Variants in SEZ6L observed in about 807,000 individuals in gnomAD.
SEZ6L encodes seizure related 6 homolog like, also known as seizure 6-like protein.
SEZ6L carries 37 observed loss-of-function variants against 106.2 expected under a neutral mutation model. That is an observed-to-expected ratio of 0.35 (90% CI 0.27 to 0.46). The LOEUF (loss-of-function observed/expected upper bound fraction) is 0.46. Ranked by LOEUF, SEZ6L falls within the 20% of genes least tolerant of loss-of-function variation. The pLI, the probability that SEZ6L is intolerant of heterozygous loss-of-function variation, is 1.00. For missense variants in SEZ6L, 1,172 were observed against 1,332.8 expected, an observed-to-expected ratio of 0.88 and a Z score of 1.88; for synonymous variants, 541 against 570.4, an observed-to-expected ratio of 0.95 and a Z score of 0.73.
At chr22:26,357,108 C>T (rs1405336382) in intron 12 of SEZ6L, among the ~76,000 whole-genome samples, 20 of 152,104 alleles carry the variant, frequency 1.3e-4, no homozygotes, top group African/African-American at 3.1e-4. Flanking sequence ...CCCGCCACCA[C>T]GCCTGGCTAA....
At chr22:26,223,593 G>C (rs1569395732) in intron 1 of SEZ6L, among the ~76,000 whole-genome samples, 1 of 150,290 alleles carries the variant, frequency 6.7e-6, no homozygotes, top group African/African-American at 2.4e-5. Flanking sequence ...ATTTTTAGCT[G>C]TGTGTCCCTG....
At chr22:26,332,924 G>A (rs2082533131) in intron 9 of SEZ6L, among the ~76,000 whole-genome samples, 1 of 152,208 alleles carries the variant, frequency 6.6e-6, no homozygotes, top group Non-Finnish European at 1.5e-5. Context: ...CTTCCTGGTT[G>A]AGCCTCAGTT....
chr22:26,205,476 A>T (rs1210106608), intron 1 of SEZ6L, among the ~76,000 whole-genome samples: 4 of 152,200 alleles, frequency 2.6e-5, no homozygotes, highest in African/African-American at 9.7e-5. Context: ...CCTTGCTTCA[A>T]TTCAGTTTTG....
chr22:26,343,096 T>C (rs1009062659), intron 10 of SEZ6L, among the ~76,000 whole-genome samples: 1 of 152,294 alleles, frequency 6.6e-6, no homozygotes, highest in African/African-American at 2.4e-5. Context: ...GGTTCCCCGC[T>C]CTTTTCTGGG....
chr22:26,193,913 C>T (rs1440999197), intron 1 of SEZ6L, among the ~76,000 whole-genome samples: 1 of 152,134 alleles, frequency 6.6e-6, no homozygotes, highest in African/African-American at 2.4e-5. Flanking sequence ...GGAATCACTG[C>T]CTGCAAGAGA....
chr22:26,187,728 C>T (rs1939878692), intron 1 of SEZ6L, among the ~76,000 whole-genome samples: 1 of 152,176 alleles, frequency 6.6e-6, no homozygotes, highest in South Asian at 2.1e-4. Context: ...AAACCCCGAT[C>T]AGACTGTACA....
At chr22:26,364,140 T>C (rs994453328) in intron 12 of SEZ6L, among the ~76,000 whole-genome samples, 1 of 152,218 alleles carries the variant, frequency 6.6e-6, no homozygotes, top group African/African-American at 2.4e-5. Context: ...GTTAGTTTTA[T>C]GTTATGTAGA....
rs137198 is a variant in SEZ6L, at chr22:26,284,604, C to CAAAAAAAAA, written c.95-7782_95-7774dup. 4.7e-4 allele frequency among the ~76,000 whole-genome samples: 30 copies of CAAAAAAAAA among 64,032 alleles called. No individual in the cohort carries two copies. The East Asian group carries it at 6.7e-3, about 14-fold the overall frequency. The allele number at this position is 64,032 out of a possible 152,430, so 42.0% of individuals were successfully genotyped here. ...CAGCCTTGATGACAGATCAGGACTC[C>CAAAAAAAAA]AAAAAAAAAAAAAAAAAAAAAAAAA... On this transcript the variant is annotated intron_variant, in intron 1 of 16. Coordinates refer to ENST00000248933, the MANE Select transcript of SEZ6L (RefSeq NM_021115.5).
intron 6 of SEZ6L, among the ~76,000 whole-genome samples, chr22:26,307,235 C>G (rs1339923612): frequency 6.6e-6 from 1 of 152,126 alleles, no homozygotes; most frequent in African/African-American, 2.4e-5. Context: ...TCAGCTGCCA[C>G]CCTTTGAGCT....
At chr22:26,361,031 C>A (rs1040586498) in intron 12 of SEZ6L, among the ~76,000 whole-genome samples, 1 of 152,118 alleles carries the variant, frequency 6.6e-6, no homozygotes, top group Non-Finnish European at 1.5e-5. Flanking sequence ...GATACCCACG[C>A]GGCTTTAAAC....
chr22:26,266,989 C>T (rs1415506380), intron 1 of SEZ6L, among the ~76,000 whole-genome samples: 2 of 152,168 alleles, frequency 1.3e-5, no homozygotes, highest in East Asian at 1.9e-4. Flanking sequence ...TGAATAAAGG[C>T]TCATCTTCAC....
rs140341764 is a variant in SEZ6L at position 26,302,964 on chromosome 22, T to G, written c.1349-3015T>G. On this transcript the variant is annotated intron_variant, in intron 5 of 16. Coordinates refer to ENST00000248933, the MANE Select transcript of SEZ6L (RefSeq NM_021115.5). ...CAGGGCAATAGAGCTGGCTATGTTT[T>G]GAGTGCCCACTCTGTGCCAGGGATG... is the stretch of plus-strand genomic sequence containing the variant. Among the ~76,000 whole-genome samples, 5 of 152,360 alleles carry G rather than the reference T, an allele frequency of 3.3e-5. No individual in the cohort carries two copies. The East Asian group carries it at 7.7e-4, about 23-fold the overall frequency.
In SEZ6L at chr22:26,349,218, T is replaced by C. The variant is rs572862435; in HGVS notation, c.2407+1305T>C. On this transcript the variant is annotated intron_variant, in intron 11 of 16. Coordinates refer to ENST00000248933, the MANE Select transcript of SEZ6L (RefSeq NM_021115.5). ...CACCAATCACCTCTGTTGTTCTCTC[T>C]TCTGATGAAATGAGGTCAGAAAAAC... is the stretch of plus-strand genomic sequence containing the variant. 9.8e-5 allele frequency among the ~76,000 whole-genome samples: 15 copies of C among 152,302 alleles called. No individual in the cohort carries two copies. In the South Asian group the frequency reaches 3.1e-3, roughly 32 times the overall value.
intron 9 of SEZ6L, among the ~76,000 whole-genome samples, chr22:26,332,219 G>A (rs2082507131): frequency 1.4e-5 from 2 of 144,774 alleles, no homozygotes; most frequent in Non-Finnish European, 3.0e-5. Flanking sequence ...GCGCGATCTC[G>A]GCTCACTGCA....
intron 1 of SEZ6L, among the ~76,000 whole-genome samples, chr22:26,277,398 G>T (rs548941755): frequency 6.6e-6 from 1 of 152,340 alleles, no homozygotes; most frequent in Non-Finnish European, 1.5e-5. Context: ...TTGGTGTGTT[G>T]TTTAGGGTGG....
chr22:26,244,795 G>T (rs1009649868), intron 1 of SEZ6L: 4 of 152,178 alleles, frequency 2.6e-5, no homozygotes, highest in African/African-American at 9.7e-5. Context: ...CGAGGCACCA[G>T]GGAAGCAACA....
At chr22:26,365,694 G>T (rs1329172542) in intron 13 of SEZ6L, 128 bp downstream of exon 13, 3 of 759,514 alleles carry the variant, frequency 3.9e-6, no homozygotes, top group Non-Finnish European at 6.1e-6. Context: ...GCAACATAGT[G>T]AGACCCCCAT....
chr22:26,380,129 T>A, intron 16 of SEZ6L, 137 bp from the exon 17 acceptor site: 1 of 697,514 alleles, frequency 1.4e-6, no homozygotes, highest in Non-Finnish European at 2.5e-6. Context: ...CAAAAGCAAA[T>A]CAGGGTCAGA....
At chr22:26,207,819 C>T (rs975406521) in intron 1 of SEZ6L, among the ~76,000 whole-genome samples, 5 of 152,086 alleles carry the variant, frequency 3.3e-5, no homozygotes, top group African/African-American at 9.7e-5. Flanking sequence ...CATCCACCAT[C>T]CTTTATGCTG....
Sources: gnomAD v4.1 joint callset for allele counts (sites outside exome capture counted in the v4.1 genomes callset) on GRCh38, gnomAD v4.1.1 for gene constraint, MANE v1.5 for transcripts, NCBI Gene and HGNC (gene_info 2026-07-23, HGNC 2026-07-21) for gene names.